The following WNK1 variants were observed in gnomAD, a reference collection of about 807,000 sequenced individuals.
WNK1 encodes serine/threonine-protein kinase WNK1.
In WNK1, 38 loss-of-function variants were observed where a neutral mutation model predicts 222.8. The ratio of observed to expected loss-of-function variants is 0.17; its 90% CI spans 0.13 to 0.22. WNK1 has a LOEUF of 0.22. WNK1 is among the 10% of genes least tolerant of loss of function. The pLI is 1.00. For synonymous variants in WNK1, 1,090 were observed against 1,092.9 expected (o/e 1.00, Z 0.05); for missense variants, 2,348 against 2,918.4 (o/e 0.80, Z 4.50).
intron 4 of WNK1, among the ~76,000 whole-genome samples, chr12:856,301 A>G (rs1023320758): frequency 4.6e-5 from 7 of 151,618 alleles, no homozygotes; most frequent in Admixed American, 6.6e-5. Context: ...TAAAAATACA[A>G]AAATTAGCTG....
chr12:847,801 CTTTTT>C (rs898832948), intron 4 of WNK1, among the ~76,000 whole-genome samples: 25 of 68,652 alleles, frequency 3.6e-4, no homozygotes, highest in Admixed American at 1.9e-3. Flanking sequence ...GATTAATTCT[CTTTTT>C]TTTTTTTTTT....
chr12:807,930 A>G (rs1033233305), intron 1 of WNK1, among the ~76,000 whole-genome samples: 22 of 151,998 alleles, frequency 1.4e-4, no homozygotes, highest in African/African-American at 4.8e-4. Context: ...CGTGTTAGCC[A>G]GGATGGTCTC....
chr12:859,632 G>GTGGT (rs369513114), intron 6 of WNK1, among the ~76,000 whole-genome samples, 168 bp downstream of exon 6: 2 of 122,640 alleles, frequency 1.6e-5, no homozygotes, highest in Admixed American at 7.7e-5. Context: ...GTGTGTGTGT[G>GTGGT]TTTTTTTTTT....
chr12:851,838 A>G, intron 4 of WNK1: 1 of 1,237,790 alleles, frequency 8.1e-7, no homozygotes, highest in Non-Finnish European at 1.0e-6. Context: ...TTTTGGTGAT[A>G]TTGGTAGAAA....
At chr12:874,036 G>A (rs1952398203) in intron 9 of WNK1, among the ~76,000 whole-genome samples, 1 of 151,838 alleles carries the variant, frequency 6.6e-6, no homozygotes, top group Non-Finnish European at 1.5e-5. Context: ...GTCAGACACA[G>A]TGCCAGCTAC....
At chr12:868,572 A>AG in intron 8 of WNK1, 1 of 1,613,938 alleles carries the variant, frequency 6.2e-7, no homozygotes, top group Non-Finnish European at 8.5e-7. Flanking sequence ...TTTGTTCCTC[A>AG]TTCTGCGCCT....
At chr12:886,124 A>AC in intron 19 of WNK1, 40 bp downstream of exon 19, 1 of 1,379,086 alleles carries the variant, frequency 7.3e-7, no homozygotes, top group Non-Finnish European at 9.5e-7. Flanking sequence ...AAATATGATC[A>AC]GTTTTTTTTC....
At chr12:836,512 T>G (rs971743534) in intron 4 of WNK1, among the ~76,000 whole-genome samples, 7 of 152,206 alleles carry the variant, frequency 4.6e-5, no homozygotes, top group African/African-American at 1.7e-4. Context: ...TACAAAAGAT[T>G]GGGAGGATAG....
chr12:872,168 C>T (rs1565556300), intron 9 of WNK1, among the ~76,000 whole-genome samples: 3 of 152,014 alleles, frequency 2.0e-5, no homozygotes, highest in Non-Finnish European at 2.9e-5. Context: ...CTCTGTTGCC[C>T]AGGCTGGAGT....
chr12:778,255 A>G (rs1298351304), intron 1 of WNK1, among the ~76,000 whole-genome samples: 1 of 152,168 alleles, frequency 6.6e-6, no homozygotes, highest in Non-Finnish European at 1.5e-5. Flanking sequence ...TAGTTTTAAA[A>G]GGCATTGAAA....
chr12:882,714 C>T (rs1592161938), intron 14 of WNK1, among the ~76,000 whole-genome samples: 1 of 152,302 alleles, frequency 6.6e-6, no homozygotes, highest in East Asian at 1.9e-4. Flanking sequence ...CACTACTTAT[C>T]TTTTAGAAAA....
intron 4 of WNK1, among the ~76,000 whole-genome samples, chr12:852,740 A>G (rs1264933945): frequency 6.6e-6 from 1 of 152,216 alleles, no homozygotes; most frequent in Admixed American, 6.5e-5. Context: ...TATAAAAATT[A>G]CATTGAGTTC....
intron 4 of WNK1, among the ~76,000 whole-genome samples, chr12:839,790 CA>C: frequency 6.6e-6 from 1 of 152,102 alleles, no homozygotes; most frequent in East Asian, 1.9e-4. Context: ...AGTCTTGTCT[CA>C]CTGCAACCTC....
At position 884,976 on chromosome 12, in the gene WNK1, G is replaced by A. The variant is rs769373261; in HGVS notation, c.4172G>A (p.Gly1391Asp). Reference sequence around the variant, plus strand: ...ATTGCTGGAGTTGCCACCAGCACAGGTGTGGTAACTTCAGGTGGTCTCCCC... The same window carrying A: ...ATTGCTGGAGTTGCCACCAGCACAGATGTGGTAACTTCAGGTGGTCTCCCC... Reference protein sequence around the residue: ...EGIAGVATSTGVVTSGGLPIP... With the variant: ...EGIAGVATSTDVVTSGGLPIP... Residue 1391 changes from glycine (G) to aspartate (D), a missense_variant, in exon 19 of 28, where the codon GGT becomes GAT. By Grantham distance (94) the Gly-to-Asp change is moderately conservative. Around this residue, in one of 13 missense-constraint regions of WNK1, gnomAD observed 1,144 missense variants for 1,273.6 expected, o/e 0.90. Transcript: ENST00000315939. This position sits in a 1 kb window ranked among gnomAD's most constrained non-coding sequence, Gnocchi z 5.6. The A allele has an allele frequency of 1.2e-6, 2 of 1,614,158 alleles. No homozygotes were observed. Among genetic ancestry groups the A allele is most frequent in the Non-Finnish European group, 1.7e-6 (2 of 1,180,032 alleles).
chr12:865,091 G>A (rs1167415088), intron 8 of WNK1: 3 of 1,494,216 alleles, frequency 2.0e-6, no homozygotes, highest in Non-Finnish European at 2.7e-6. Flanking sequence ...TTTCATGTGT[G>A]TGTTTGTTTT....
chr12:843,959 A>G (rs1212107748), intron 4 of WNK1, among the ~76,000 whole-genome samples: 1 of 152,176 alleles, frequency 6.6e-6, no homozygotes, highest in Non-Finnish European at 1.5e-5. Context: ...TAGGCTATAT[A>G]GTATAATACC....
At chr12:898,498 AAG>A (rs1486635712) in intron 25 of WNK1, among the ~76,000 whole-genome samples, 6 of 151,144 alleles carry the variant, frequency 4.0e-5, no homozygotes, top group African/African-American at 4.8e-5. Context: ...AAAAAAAAAA[AAG>A]AAGAACTTGC....
At chr12:806,991 G>A (rs1158190957) in intron 1 of WNK1, among the ~76,000 whole-genome samples, 1 of 152,114 alleles carries the variant, frequency 6.6e-6, no homozygotes, top group Non-Finnish European at 1.5e-5. Context: ...TTCTCGCTGG[G>A]CTTCTGGGCT....
chr12:866,299 G>T (rs1410357708), intron 8 of WNK1, among the ~76,000 whole-genome samples: 2 of 152,190 alleles, frequency 1.3e-5, no homozygotes, highest in East Asian at 1.9e-4. Context: ...CCCTATGGAA[G>T]AATGAAACTG....
Sources: allele counts gnomAD v4.1 joint callset (sites outside exome capture counted in the v4.1 genomes callset), GRCh38; gene constraint gnomAD v4.1.1; regional missense constraint gnomAD v4.1.1; non-coding constraint Gnocchi (gnomAD v3.1); transcripts MANE v1.5; gene names NCBI Gene and HGNC (gene_info 2026-07-23, HGNC 2026-07-21).